Variants in PCBP3 observed in about 807,000 individuals in gnomAD.
PCBP3 encodes the protein poly(rC)-binding protein 3.
In PCBP3, 25 loss-of-function variants were observed where a neutral mutation model predicts 52.7. The observed-to-expected ratio is 0.47, with a 90% CI of 0.35 to 0.66. PCBP3 has a LOEUF of 0.66. PCBP3 is among the 30% of genes least tolerant of loss of function. The pLI is 0.01. For missense variants in PCBP3, 391 were observed against 490.3 expected, an observed-to-expected ratio of 0.80 and a Z score of 1.91; for synonymous variants, 162 against 183.0, an observed-to-expected ratio of 0.89 and a Z score of 0.93.
intron 2 of PCBP3, among the ~76,000 whole-genome samples, chr21:45,701,782 A>G (rs911396528): frequency 8.6e-5 from 13 of 151,978 alleles, no homozygotes; most frequent in African/African-American, 2.9e-4. Context: ...CTGGCCTTGA[A>G]CTCCTGACCT....
chr21:45,846,962 C>T, intron 4 of PCBP3, among the ~76,000 whole-genome samples: 1 of 152,246 alleles, frequency 6.6e-6, no homozygotes, highest in Non-Finnish European at 1.5e-5. Context: ...GGGCCAAAAC[C>T]ATTTACATTT....
At position 45,741,382 on chromosome 21, in the gene PCBP3, G is replaced by T. The variant is rs983944368; in HGVS notation, c.-162+5953G>T. Reference sequence around the variant, plus strand: ...TGTGGGTACCAGGTGCACAGCCAGCGAGGGGAGTCCTGGAAAGTGGGGAGG... The same window carrying T: ...TGTGGGTACCAGGTGCACAGCCAGCTAGGGGAGTCCTGGAAAGTGGGGAGG... On this transcript the variant is annotated intron_variant, in intron 3 of 17. Coordinates refer to ENST00000681687, the MANE Select transcript of PCBP3 (RefSeq NM_001384156.1). This position sits in a 1 kb window ranked among gnomAD's most constrained non-coding sequence, Gnocchi z 4.5. Among the ~76,000 whole-genome samples the T allele has an allele frequency of 1.3e-5, 2 of 152,184 alleles. No individual in the cohort carries two copies. The highest frequency in any genetic ancestry group is 6.5e-5 in the Admixed American group (1 of 15,278).
At chr21:45,785,942 G>T (rs1019629141) in intron 4 of PCBP3, among the ~76,000 whole-genome samples, 1 of 149,848 alleles carries the variant, frequency 6.7e-6, no homozygotes, top group Non-Finnish European at 1.5e-5. Context: ...CAGCATGCTC[G>T]TTAAGAGTCA....
intron 13 of PCBP3, among the ~76,000 whole-genome samples, chr21:45,923,887 G>A (rs2074885087): frequency 1.2e-5 from 1 of 82,286 alleles, no homozygotes; most frequent in Non-Finnish European, 2.6e-5. Flanking sequence ...GGGTGTGCAC[G>A]AGGAGATGCG....
intron 4 of PCBP3, among the ~76,000 whole-genome samples, chr21:45,822,997 G>T (rs940108027): frequency 6.6e-6 from 1 of 152,184 alleles, no homozygotes; most frequent in Non-Finnish European, 1.5e-5. Context: ...CTAGCGGGGG[G>T]TAAGGTCTTC....
intron 2 of PCBP3, among the ~76,000 whole-genome samples, chr21:45,670,142 A>G (rs2081083845): frequency 6.6e-6 from 1 of 152,090 alleles, no homozygotes; most frequent in South Asian, 2.1e-4. Flanking sequence ...TTTTGATAAT[A>G]GCTATTCTAA....
At chr21:45,753,842 CA>C in intron 3 of PCBP3, among the ~76,000 whole-genome samples, 1 of 152,256 alleles carries the variant, frequency 6.6e-6, no homozygotes, top group South Asian at 2.1e-4. Context: ...ATGGCATTTT[CA>C]TTCTCAACTG....
intron 6 of PCBP3, among the ~76,000 whole-genome samples, chr21:45,896,705 T>C (rs1487875292): frequency 7.6e-6 from 1 of 131,892 alleles, no homozygotes; most frequent in African/African-American, 2.7e-5. Context: ...CCGCGGCACA[T>C]AGAACCAGAG....
intron 2 of PCBP3, among the ~76,000 whole-genome samples, chr21:45,689,896 C>T (rs929607817): frequency 6.6e-6 from 1 of 152,068 alleles, no homozygotes; most frequent in African/African-American, 2.4e-5. Flanking sequence ...TTATGATGTG[C>T]ACTGACTGGA....
intron 4 of PCBP3, among the ~76,000 whole-genome samples, chr21:45,833,829 A>C (rs1354101951): frequency 1.3e-5 from 2 of 152,256 alleles, no homozygotes; most frequent in African/African-American, 4.8e-5. Context: ...AGGAGCTTGC[A>C]GTCCTGCCTG....
At chr21:45,714,696 A>AT (rs1320393596) in intron 2 of PCBP3, among the ~76,000 whole-genome samples, 1 of 152,250 alleles carries the variant, frequency 6.6e-6, no homozygotes, top group Non-Finnish European at 1.5e-5. Flanking sequence ...TGAAATGTGA[A>AT]TTAAAACAGT....
chr21:45,818,606 C>T (rs1837975815), intron 4 of PCBP3, among the ~76,000 whole-genome samples: 1 of 152,220 alleles, frequency 6.6e-6, no homozygotes, highest in Admixed American at 6.5e-5. Flanking sequence ...GTGGTTGCAT[C>T]ACTTTGCAAA....
intron 3 of PCBP3, among the ~76,000 whole-genome samples, chr21:45,752,169 TAGAA>T (rs754621813): frequency 4.6e-5 from 7 of 152,128 alleles, no homozygotes; most frequent in African/African-American, 7.2e-5. Flanking sequence ...AATTCACAAT[TAGAA>T]AGCCTTTTTC....
At chr21:45,672,641 A>C (rs1371123154) in intron 2 of PCBP3, among the ~76,000 whole-genome samples, 1 of 152,006 alleles carries the variant, frequency 6.6e-6, no homozygotes, top group African/African-American at 2.4e-5. Context: ...CTCCCTACCC[A>C]GGGTATCTTG....
chr21:45,720,367 G>A (rs527676428), intron 2 of PCBP3, among the ~76,000 whole-genome samples: 1 of 152,228 alleles, frequency 6.6e-6, no homozygotes, highest in African/African-American at 2.4e-5. Flanking sequence ...ATGGTTTCCA[G>A]CTTCATCCAT....
chr21:45,662,400 G>T (rs548738673), intron 1 of PCBP3, among the ~76,000 whole-genome samples: 3 of 149,504 alleles, frequency 2.0e-5, no homozygotes, highest in Admixed American at 6.8e-5. Flanking sequence ...GGGATTACAG[G>T]TGTGAGCCAC....
At chr21:45,739,055 C>T (rs113841211) in intron 3 of PCBP3, among the ~76,000 whole-genome samples, 8,595 of 73,842 alleles carry the variant, frequency 0.12, 1,375 homozygotes, top group Non-Finnish European at 0.16. Flanking sequence ...TTCCTGTCCA[C>T]GGTCCTCTGG....
intron 5 of PCBP3, among the ~76,000 whole-genome samples, chr21:45,883,216 A>G (rs2095442496): frequency 6.6e-6 from 1 of 151,984 alleles, no homozygotes. Context: ...TTATCTTTCC[A>G]TGATTGATTC....
At chr21:45,930,704 A>C in intron 14 of PCBP3, 82 bp from the exon 15 acceptor site, 1 of 719,122 alleles carries the variant, frequency 1.4e-6, no homozygotes. Flanking sequence ...CGCCAGTCAT[A>C]TTTTGAGCTT....
Sources: gnomAD v4.1 joint callset for allele counts (sites outside exome capture counted in the v4.1 genomes callset) on GRCh38, gnomAD v4.1.1 for gene constraint, Gnocchi (gnomAD v3.1) non-coding constraint, MANE v1.5 for transcripts, NCBI Gene and HGNC (gene_info 2026-07-23, HGNC 2026-07-21) for gene names.